The following JPH3 variants were observed in gnomAD, a reference collection of about 807,000 sequenced individuals.
The protein encoded by JPH3 is junctophilin-3.
A neutral mutation model predicts 59.6 loss-of-function variants in JPH3; 11 were observed. The ratio of observed to expected loss-of-function variants is 0.18; its 90% CI spans 0.12 to 0.31. JPH3 has a LOEUF of 0.31. Among genes scored for constraint, JPH3 ranks in the 10% least tolerant of loss-of-function variants. The probability of loss-of-function intolerance (pLI) is 1.00; values close to 1 mark genes in which losing one functional copy is unlikely to be tolerated. For missense variants in JPH3, 1,202 were observed against 1,105.7 expected (o/e 1.09, Z -1.24); for synonymous variants, 673 against 483.6 (o/e 1.39, Z -5.14).
intron 1 of JPH3, among the ~76,000 whole-genome samples, chr16:87,637,385 T>C (rs999082941): frequency 8.3e-5 from 12 of 144,128 alleles, no homozygotes; most frequent in African/African-American, 3.1e-4. Flanking sequence ...CTGTTCATGT[T>C]ATGGGGGAGA....
intron 1 of JPH3, among the ~76,000 whole-genome samples, chr16:87,609,493 A>G (rs2030654314): frequency 6.6e-6 from 1 of 152,128 alleles, no homozygotes; most frequent in South Asian, 2.1e-4. Context: ...TCTTGAACTG[A>G]ACTCAGGCGA....
Position 87,685,199 on chromosome 16 carries a change from G to A in JPH3, c.1285+933G>A, listed in dbSNP as rs116751144. 1.2e-4 allele frequency among the ~76,000 whole-genome samples: 19 copies of A among 152,312 alleles called. 1 individual carries two copies. The highest frequency in any genetic ancestry group is 6.8e-3 in the Middle Eastern group (2 of 294). Reference sequence around the variant, plus strand: ...GACCACATCATCTCTAGAGGTGACCGTCCGCCACCACTCCAAGACCTTGCC... The same window carrying A: ...GACCACATCATCTCTAGAGGTGACCATCCGCCACCACTCCAAGACCTTGCC... On this transcript the variant is annotated intron_variant, in intron 3 of 4. Transcript: ENST00000284262.
At chr16:87,646,226 G>T (rs540135955) in intron 2 of JPH3, among the ~76,000 whole-genome samples, 2 of 152,354 alleles carry the variant, frequency 1.3e-5, no homozygotes, top group South Asian at 2.1e-4. Context: ...CAGCCCATTT[G>T]GTTCTGATTT....
intron 2 of JPH3, among the ~76,000 whole-genome samples, chr16:87,661,793 C>A (rs950145113): frequency 6.6e-6 from 1 of 152,238 alleles, no homozygotes; most frequent in African/African-American, 2.4e-5. Context: ...GGGGAACATA[C>A]AATGCTGTGG....
chr16:87,691,687 TTGGAACCAC>T (rs2033582340), intron 4 of JPH3, among the ~76,000 whole-genome samples: 1 of 152,150 alleles, frequency 6.6e-6, no homozygotes, highest in Admixed American at 6.5e-5. Context: ...CTGCCTCTCC[TTGGAACCAC>T]TGCGGACGTC....
At chr16:87,664,697 G>C (rs150833790) in intron 2 of JPH3, among the ~76,000 whole-genome samples, 1 of 152,298 alleles carries the variant, frequency 6.6e-6, no homozygotes, top group East Asian at 1.9e-4. Context: ...GGAGCTCCAC[G>C]GTGAGCCACC....
rs1401598166 is a variant in JPH3, at chr16:87,689,930, G to A, written c.1570G>A (p.Gly524Arg). 2.1e-6 allele frequency: 3 copies of A among 1,450,056 alleles called. No homozygotes were observed. Among genetic ancestry groups the A allele is most frequent in the South Asian group, 1.5e-5 (1 of 68,896 alleles). The allele number at this position is 1,450,056 out of a possible 1,614,324, so 89.8% of individuals were successfully genotyped here. The change falls in exon 4 of 5, where the codon GGG (glycine) becomes AGG (arginine). Residue 524 changes from glycine to arginine, a missense_variant. Physicochemically the swap from Gly to Arg is moderately radical, Grantham distance 125 (BLOSUM62 -2). Coordinates refer to ENST00000284262, the MANE Select transcript of JPH3 (RefSeq NM_020655.4). ...DIQMLLEGRA[G>R]DCARSSWGEE... ...CCAGATGCTCCTGGAGGGCCGGGCCGGGGACTGCGCCCGCAGCAGCTGGGG... is the reference window on the plus strand; with the variant it reads ...CCAGATGCTCCTGGAGGGCCGGGCCAGGGACTGCGCCCGCAGCAGCTGGGG...
rs373062940 is a variant in JPH3, at chr16:87,645,074, C to A, written c.1160+39C>A. 70 of 1,565,750 alleles carry A rather than the reference C, an allele frequency of 4.5e-5. No homozygotes were observed. In the African/African-American group the frequency reaches 8.9e-4, roughly 20 times the overall value. ...GGGGCGGGGGGCCCTTCTTGGTGCC[C>A]AGAAGGTGTTTGTGAGCCCAGTCTG... On this transcript the variant is annotated intron_variant, in intron 2 of 4. Transcript: ENST00000284262.
At chr16:87,657,375 C>A (rs564786387) in intron 2 of JPH3, among the ~76,000 whole-genome samples, 1 of 152,070 alleles carries the variant, frequency 6.6e-6, no homozygotes. Flanking sequence ...AGGGAGTGGA[C>A]TGGGTTACCA....
chr16:87,680,844 G>T (rs370749302), intron 2 of JPH3, among the ~76,000 whole-genome samples: 1 of 152,222 alleles, frequency 6.6e-6, no homozygotes, highest in African/African-American at 2.4e-5. Context: ...TTTTATATAC[G>T]TGTGAACGTA....
At chr16:87,656,692 A>G (rs2032513097) in intron 2 of JPH3, among the ~76,000 whole-genome samples, 1 of 152,146 alleles carries the variant, frequency 6.6e-6, no homozygotes, top group African/African-American at 2.4e-5. Flanking sequence ...GAGGACGAGG[A>G]GGAACGGGGG....
At chr16:87,623,176 T>A (rs1428311380) in intron 1 of JPH3, among the ~76,000 whole-genome samples, 1 of 152,190 alleles carries the variant, frequency 6.6e-6, no homozygotes, top group Non-Finnish European at 1.5e-5. Context: ...CTCGTCCTGG[T>A]CTCCTGGGAG....
At chr16:87,653,363 C>G (rs2032389270) in intron 2 of JPH3, among the ~76,000 whole-genome samples, 1 of 152,162 alleles carries the variant, frequency 6.6e-6, no homozygotes, top group Non-Finnish European at 1.5e-5. Context: ...GGCTTGCTGG[C>G]TGCAGGGTTC....
chr16:87,693,783 C>G (rs952800052), intron 4 of JPH3: 3 of 152,498 alleles, frequency 2.0e-5, no homozygotes, highest in Non-Finnish European at 4.4e-5. Context: ...TCGGGGGTGC[C>G]CCTGCCAGGT....
At chr16:87,669,231 A>G (rs1477584413) in intron 2 of JPH3, among the ~76,000 whole-genome samples, 1 of 152,090 alleles carries the variant, frequency 6.6e-6, no homozygotes, top group African/African-American at 2.4e-5. Flanking sequence ...TCCTGCAGGA[A>G]TCTGCATGTT....
intron 1 of JPH3, among the ~76,000 whole-genome samples, chr16:87,639,877 A>G (rs2031887487): frequency 6.6e-6 from 1 of 152,198 alleles, no homozygotes; most frequent in Admixed American, 6.5e-5. Flanking sequence ...ATTCCACTGC[A>G]TGGGGGGACC....
chr16:87,643,926 C>T (rs2032041469), intron 1 of JPH3, among the ~76,000 whole-genome samples: 1 of 152,112 alleles, frequency 6.6e-6, no homozygotes, highest in Non-Finnish European at 1.5e-5. Flanking sequence ...CACTTGAGCC[C>T]ATGAGTTAGA....
Position 87,644,918 on chromosome 16 carries a change from G to T in JPH3, c.1043G>T (p.Arg348Leu). The change falls in exon 2 of 5, where the codon CGC (arginine) becomes CTC (leucine). Residue 348 changes from arginine to leucine, a missense_variant. By Grantham distance (102) the Arg-to-Leu change is moderately radical (BLOSUM62 -2). Transcript: ENST00000284262. ...CAGAACATCCTCGTCGGCGGCAAGC[G>T]CAAGAACCTCATCCCCCTGCGGGCC... The part of the protein sequence containing the change: ...YKQNILVGGK[R>L]KNLIPLRASK... 6.2e-7 allele frequency: 1 copy of T among 1,612,772 alleles called. No individual in the cohort carries two copies. The highest frequency in any genetic ancestry group is 8.5e-7 in the Non-Finnish European group (1 of 1,179,924).
intron 2 of JPH3, among the ~76,000 whole-genome samples, chr16:87,648,238 G>C (rs1471612939): frequency 1.4e-5 from 2 of 147,860 alleles, no homozygotes; most frequent in African/African-American, 5.1e-5. Context: ...CTTAGAATTT[G>C]GGGAAAAAAA....
Sources: allele counts gnomAD v4.1 joint callset (sites outside exome capture counted in the v4.1 genomes callset), GRCh38; gene constraint gnomAD v4.1.1; transcripts MANE v1.5; gene names NCBI Gene and HGNC (gene_info 2026-07-23, HGNC 2026-07-21).